The following CDC14A variants were observed in gnomAD, a reference collection of about 807,000 sequenced individuals.
The protein encoded by CDC14A is dual specificity protein phosphatase CDC14A.
A neutral mutation model predicts 74.4 loss-of-function variants in CDC14A; 53 were observed. That is an observed-to-expected ratio of 0.71 (90% CI 0.57 to 0.89). CDC14A has a LOEUF of 0.89. CDC14A is among the 40% of genes least tolerant of loss of function. The pLI is 0.00. For synonymous variants in CDC14A, 247 were observed against 258.4 expected, an observed-to-expected ratio of 0.96 and a Z score of 0.43; for missense variants, 646 against 713.7, an observed-to-expected ratio of 0.91 and a Z score of 1.08.
chr1:100,470,745 T>G (rs543146691), intron 10 of CDC14A, among the ~76,000 whole-genome samples: 37 of 152,262 alleles, frequency 2.4e-4, no homozygotes, highest in Non-Finnish European at 3.5e-4. Context: ...GAAACCACAA[T>G]GAGATACTAT....
intron 4 of CDC14A, among the ~76,000 whole-genome samples, chr1:100,391,426 C>T (rs1177786110): frequency 6.6e-6 from 1 of 152,160 alleles, no homozygotes; most frequent in African/African-American, 2.4e-5. Flanking sequence ...TTCCACATGA[C>T]CATGCTGTAG....
intron 10 of CDC14A, among the ~76,000 whole-genome samples, chr1:100,482,342 C>T (rs774831717): frequency 2.6e-5 from 4 of 152,130 alleles, no homozygotes; most frequent in Admixed American, 6.5e-5. Context: ...TCTCTCATAG[C>T]CTCTGCTTCA....
chr1:100,512,110 G>A (rs1019484247), intron 15 of CDC14A, among the ~76,000 whole-genome samples: 2 of 151,902 alleles, frequency 1.3e-5, no homozygotes, highest in Non-Finnish European at 2.9e-5. Context: ...GACCTGGCTC[G>A]ATAGTTATCT....
At chr1:100,504,938 G>A (rs1412867043) in intron 15 of CDC14A, 6 of 1,526,602 alleles carry the variant, frequency 3.9e-6, no homozygotes, top group Admixed American at 2.0e-5. Flanking sequence ...GCTCTCCCCA[G>A]TAAGTGGAAT....
At chr1:100,509,268 A>G (rs1210749832) in intron 15 of CDC14A, among the ~76,000 whole-genome samples, 1 of 152,128 alleles carries the variant, frequency 6.6e-6, no homozygotes, top group Non-Finnish European at 1.5e-5. Flanking sequence ...GACCATAGCA[A>G]TCATGATGTT....
intron 2 of CDC14A, among the ~76,000 whole-genome samples, chr1:100,357,141 A>G (rs2100882927): frequency 6.6e-6 from 1 of 152,294 alleles, no homozygotes; most frequent in African/African-American, 2.4e-5. Flanking sequence ...ATTGAATTTA[A>G]GAAATTTAAG....
At chr1:100,464,812 G>T (rs1157528950) in intron 9 of CDC14A, among the ~76,000 whole-genome samples, 1 of 151,918 alleles carries the variant, frequency 6.6e-6, no homozygotes, top group African/African-American at 2.4e-5. Flanking sequence ...AAAACTCTCT[G>T]GTGTTAAACA....
Position 100,440,561 on chromosome 1 carries a change from TC to T in CDC14A, c.456+564del, listed in dbSNP as rs1664812135. ...CGGAACATGTTTTAGAAACATAAAT[TC>T]ACAATCTGAGAAGTTATATAAGCTA... On this transcript the variant is annotated intron_variant, in intron 6 of 15. Transcript: ENST00000336454. Among the ~76,000 whole-genome samples the T allele has an allele frequency of 2.0e-5, 3 of 152,148 alleles. No individual in the cohort carries two copies. In the South Asian group the frequency reaches 6.2e-4, roughly 32 times the overall value.
intron 2 of CDC14A, chr1:100,363,034 A>T (rs1294143236): frequency 6.6e-6 from 1 of 152,210 alleles, no homozygotes; most frequent in African/African-American, 2.4e-5. Context: ...TCTGATTTAC[A>T]TAGGGCCCGC....
chr1:100,347,784 A>G (rs1197962948), upstream of CDC14A, among the ~76,000 whole-genome samples: 1 of 152,260 alleles, frequency 6.6e-6, no homozygotes, highest in Non-Finnish European at 1.5e-5. Flanking sequence ...ATTTACAGAA[A>G]GAATTCAAAG....
intron 10 of CDC14A, among the ~76,000 whole-genome samples, chr1:100,481,665 A>C (rs559962396): frequency 6.6e-6 from 1 of 152,206 alleles, no homozygotes; most frequent in Non-Finnish European, 1.5e-5. Flanking sequence ...CAAGGACCCC[A>C]GCACTGGCTA....
rs147258712 is a variant in CDC14A, at chr1:100,400,998, T to C, written c.309+10174T>C. Among the ~76,000 whole-genome samples the C allele has an allele frequency of 2.8e-4, 43 of 152,294 alleles. No individual in the cohort carries two copies. The East Asian group carries it at 7.5e-3, about 27-fold the overall frequency. ...CATACTCACTGCATTTAGTACTATA[T>C]ATTTAGTAGGGATGCACTGTGTATG... On this transcript the variant is annotated intron_variant, in intron 4 of 15. Transcript: ENST00000336454.
chr1:100,405,784 G>A (rs1659864516), intron 4 of CDC14A, among the ~76,000 whole-genome samples: 1 of 152,148 alleles, frequency 6.6e-6, no homozygotes, highest in Admixed American at 6.5e-5. Flanking sequence ...TATTATTGAT[G>A]GGCATTTAGG....
rs560114935 is a variant in CDC14A at position 100,352,603 on chromosome 1, A to G, written c.-352A>G. On this transcript the variant is annotated 5_prime_UTR_variant, in exon 1 of 16. Coordinates refer to ENST00000336454, the MANE Select transcript of CDC14A (RefSeq NM_003672.4). ...ACCAGAAGTCTCCTCCTCCATGATC[A>G]CTTTGGAAGCCGGGGGAAGACTTTG... 1.4e-4 allele frequency: 160 copies of G among 1,132,662 alleles called. No homozygotes were observed. Among genetic ancestry groups the G allele is most frequent in the Non-Finnish European group, 1.7e-4 (154 of 922,602 alleles). 70.2% of individuals were successfully genotyped at this position (1,132,662 alleles called of 1,614,324 possible).
intron 11 of CDC14A, among the ~76,000 whole-genome samples, chr1:100,492,079 T>G (rs1169923882): frequency 1.3e-5 from 2 of 152,120 alleles, no homozygotes; most frequent in African/African-American, 4.8e-5. Context: ...TATTGTAGTA[T>G]TTTTGTTCTT....
rs529494113 is a variant in CDC14A at position 100,446,117 on chromosome 1, G to C, written c.519+3121G>C. Among the ~76,000 whole-genome samples, 3 of 152,312 alleles carry C rather than the reference G, an allele frequency of 2.0e-5. No individual in the cohort carries two copies. The East Asian group carries it at 5.8e-4, about 29-fold the overall frequency. ...CATTTTATTAGCTCCAGTAAAGTCA[G>C]TATTCCAGTGAAGGCAGTGTAGTTT... is the stretch of plus-strand genomic sequence containing the variant. On this transcript the variant is annotated intron_variant, in intron 7 of 15. Coordinates refer to ENST00000336454, the MANE Select transcript of CDC14A (RefSeq NM_003672.4).
intron 10 of CDC14A, among the ~76,000 whole-genome samples, chr1:100,479,507 G>A (rs957356390): frequency 1.4e-4 from 21 of 151,796 alleles, no homozygotes; most frequent in African/African-American, 4.4e-4. Flanking sequence ...TTCCTTTTAT[G>A]GTTTTCTTTT....
intron 2 of CDC14A, among the ~76,000 whole-genome samples, chr1:100,372,157 G>C (rs1654567632): frequency 2.0e-5 from 3 of 152,222 alleles, no homozygotes; most frequent in Admixed American, 6.5e-5. Context: ...GCTAAAAAAT[G>C]CTAATGATCA....
At chr1:100,461,691 G>A (rs1159538820) in intron 8 of CDC14A, among the ~76,000 whole-genome samples, 1 of 152,176 alleles carries the variant, frequency 6.6e-6, no homozygotes, top group Admixed American at 6.5e-5. Context: ...TAGCTCCCAG[G>A]AATACTCACA....
Sources: allele counts gnomAD v4.1 joint callset (sites outside exome capture counted in the v4.1 genomes callset), GRCh38; gene constraint gnomAD v4.1.1; transcripts MANE v1.5; gene names NCBI Gene and HGNC (gene_info 2026-07-23, HGNC 2026-07-21).